The following RBM33 variants were observed in gnomAD, a reference collection of about 807,000 sequenced individuals.
RBM33 encodes RNA binding motif protein 33.
A neutral mutation model predicts 132.6 loss-of-function variants in RBM33; 28 were observed. The ratio of observed to expected loss-of-function variants is 0.21; its 90% CI spans 0.16 to 0.29. The LOEUF (loss-of-function observed/expected upper bound fraction) is 0.29. Among genes scored for constraint, RBM33 ranks in the 10% least tolerant of loss-of-function variants. RBM33 has a pLI of 1.00. For synonymous variants in RBM33, 634 were observed against 593.0 expected (o/e 1.07, Z -1.01); for missense variants, 1,291 against 1,518.5 (o/e 0.85, Z 2.49).
At chr7:155,735,666 A>T (rs1195425495) in intron 9 of RBM33, among the ~76,000 whole-genome samples, 1 of 151,272 alleles carries the variant, frequency 6.6e-6, no homozygotes, top group East Asian at 1.9e-4. Flanking sequence ...ACTGCACTCC[A>T]GCCTGGGTAA....
At chr7:155,682,810 G>A (rs1318474249) in intron 5 of RBM33, among the ~76,000 whole-genome samples, 3 of 152,172 alleles carry the variant, frequency 2.0e-5, no homozygotes, top group Non-Finnish European at 4.4e-5. Context: ...ATTTCCAAGT[G>A]AGGAATTTCC....
At position 155,741,999 on chromosome 7, in the gene RBM33, T is replaced by C. The variant is rs1467303580; in HGVS notation, c.2230T>C (p.Ser744Pro). ...VKPIVSASPPSRAVAGSRSSQ... is the reference protein window; with the variant it reads ...VKPIVSASPPPRAVAGSRSSQ... ...ACCTATCGTCAGCGCGTCACCACCCTCGCGGGCCGTGGCGGGTTCCAGAAG... is the reference window on the plus strand; with the variant it reads ...ACCTATCGTCAGCGCGTCACCACCCCCGCGGGCCGTGGCGGGTTCCAGAAG... Residue 744 changes from serine to proline, a missense_variant, in exon 13 of 18, where the codon TCG (serine) becomes CCG (proline). Transcript: ENST00000401878. The C allele has an allele frequency of 6.2e-7, 1 of 1,613,814 alleles. No individual in the cohort carries two copies. The highest frequency in any genetic ancestry group is 1.1e-5 in the South Asian group (1 of 91,056).
At position 155,731,176 on chromosome 7, in the gene RBM33, A is replaced by G. The variant is rs184978010; in HGVS notation, c.1261-6354A>G. Among the ~76,000 whole-genome samples the G allele has an allele frequency of 8.5e-5, 13 of 152,342 alleles. No individual in the cohort carries two copies. In the East Asian group the frequency reaches 1.5e-3, roughly 18 times the overall value. On this transcript the variant is annotated intron_variant, in intron 9 of 17. Transcript: ENST00000401878. ...TTCCCAGTTACATTTTGCCTTATCT[A>G]TAATGAGAAAAATCTTTTTGAGGAC...
chr7:155,661,857 G>T (rs1265866910), intron 1 of RBM33, among the ~76,000 whole-genome samples: 2 of 152,100 alleles, frequency 1.3e-5, no homozygotes, highest in East Asian at 3.8e-4. Flanking sequence ...CCTCTCACAT[G>T]CAGTTTATGT....
At position 155,644,926 on chromosome 7, in the gene RBM33, G is replaced by C; in HGVS notation, c.43+7G>C. 6.7e-7 allele frequency: 1 copy of C among 1,496,088 alleles called. No homozygotes were observed. The highest frequency in any genetic ancestry group is 1.2e-5 in the South Asian group (1 of 80,280). The allele number at this position is 1,496,088 out of a possible 1,614,324, so 92.7% of individuals were successfully genotyped here. A position where few individuals can be genotyped will look rare whatever the true frequency, so the allele number is the denominator to read the frequency against. On this transcript the variant is annotated splice_region_variant and intron_variant, in intron 1 of 17. Coordinates refer to ENST00000401878, the MANE Select transcript of RBM33 (RefSeq NM_053043.3). The stretch of plus-strand genomic sequence containing the variant: ...GGAGGAGCAGGCGCCGGAGGTACGT[G>C]AGGCAGCCGGACTCTGGGGGCCAGG...
At chr7:155,649,887 C>T (rs1026169702) in intron 1 of RBM33, among the ~76,000 whole-genome samples, 2 of 152,232 alleles carry the variant, frequency 1.3e-5, no homozygotes, top group African/African-American at 4.8e-5. Flanking sequence ...CTTAGCCTCA[C>T]CTTCTGCATA....
rs984193147 is a variant in RBM33, at chr7:155,757,450, T to C, written c.2980-6362T>C. 2.0e-5 allele frequency among the ~76,000 whole-genome samples: 3 copies of C among 152,284 alleles called. No homozygotes were observed. The South Asian group carries it at 6.2e-4, about 32-fold the overall frequency. On this transcript the variant is annotated intron_variant, in intron 14 of 17. Transcript: ENST00000401878. Reference sequence around the variant, plus strand: ...TTGCTTAGCATGATCTTCAGAAAAATTCAGAAGCACAGCATTATAGTAGCC... The same window carrying C: ...TTGCTTAGCATGATCTTCAGAAAAACTCAGAAGCACAGCATTATAGTAGCC...
intron 1 of RBM33, among the ~76,000 whole-genome samples, chr7:155,653,529 C>T (rs888005346): frequency 1.3e-5 from 2 of 151,958 alleles, no homozygotes; most frequent in African/African-American, 4.8e-5. Context: ...AAAAACTAAC[C>T]CCATGTTAAG....
intron 1 of RBM33, among the ~76,000 whole-genome samples, chr7:155,651,696 C>T (rs1237907311): frequency 6.6e-6 from 1 of 151,838 alleles, no homozygotes; most frequent in East Asian, 1.9e-4. Flanking sequence ...AGCTCACTTG[C>T]CTCTTCTCGG....
In RBM33 at chr7:155,775,032, C is replaced by T. The variant is rs139259621; in HGVS notation, c.3504C>T (p.Ile1168=). 6 of 1,613,336 alleles carry T rather than the reference C, an allele frequency of 3.7e-6. No individual in the cohort carries two copies. Among genetic ancestry groups the T allele is most frequent in the Admixed American group, 3.3e-5 (2 of 60,012 alleles). ...IDLSHINVAL[I]VE Reference sequence around the variant, plus strand: ...TGTCCCACATAAATGTGGCCCTGATCGTGGAGTGAGTCCTAACAAGAGAGC... The same window carrying T: ...TGTCCCACATAAATGTGGCCCTGATTGTGGAGTGAGTCCTAACAAGAGAGC... Residue 1168 remains isoleucine (I), a synonymous_variant, in exon 18 of 18, where the codon ATC becomes ATT. Transcript: ENST00000401878.
intron 14 of RBM33, among the ~76,000 whole-genome samples, chr7:155,750,320 C>A (rs143014752): frequency 1.9e-3 from 291 of 152,172 alleles, no homozygotes; most frequent in African/African-American, 6.7e-3. Flanking sequence ...AAAAACAATT[C>A]AAGTAATAAC....
intron 6 of RBM33, among the ~76,000 whole-genome samples, chr7:155,704,476 A>G (rs1218147890): frequency 1.3e-5 from 2 of 152,208 alleles, no homozygotes; most frequent in African/African-American, 2.4e-5. Flanking sequence ...GGCATGTGTA[A>G]GGAATGGTTC....
chr7:155,705,753 G>C (rs185392530), intron 6 of RBM33, among the ~76,000 whole-genome samples: 3 of 152,326 alleles, frequency 2.0e-5, no homozygotes, highest in African/African-American at 4.8e-5. Context: ...TAGGAACCTA[G>C]AAGAATGTGG....
At chr7:155,721,161 C>T (rs1800613601) in intron 9 of RBM33, among the ~76,000 whole-genome samples, 1 of 152,058 alleles carries the variant, frequency 6.6e-6, no homozygotes, top group Non-Finnish European at 1.5e-5. Flanking sequence ...ATGTAGCTTC[C>T]TCACATCAGT....
intron 9 of RBM33, among the ~76,000 whole-genome samples, chr7:155,729,580 T>A (rs1800893070): frequency 6.6e-6 from 1 of 151,854 alleles, no homozygotes; most frequent in Non-Finnish European, 1.5e-5. Context: ...CTACAAAAAA[T>A]TTAAAAATTA....
intron 9 of RBM33, among the ~76,000 whole-genome samples, chr7:155,725,638 G>A (rs757303221): frequency 1.3e-5 from 2 of 152,156 alleles, no homozygotes; most frequent in African/African-American, 4.8e-5. Flanking sequence ...GCCATGGCAG[G>A]GGTGAGGGTG....
chr7:155,768,849 G>C (rs184455368), intron 16 of RBM33, among the ~76,000 whole-genome samples: 1 of 152,016 alleles, frequency 6.6e-6, no homozygotes, highest in Non-Finnish European at 1.5e-5. Context: ...TCCTGACCTC[G>C]TGATCCGCCC....
At position 155,738,272 on chromosome 7, in the gene RBM33, G is replaced by A; in HGVS notation, c.1606G>A (p.Gly536Ser). ...RPVRPALQPPGPVGILHFSQP... is the reference protein window; with the variant it reads ...RPVRPALQPPSPVGILHFSQP... The stretch of plus-strand genomic sequence containing the variant: ...CGTACGACCAGCCTTGCAGCCTCCA[G>A]GTCCGGTGGGGATTCTGCACTTTAG... The change falls in exon 11 of 18, where the codon GGT becomes AGT. Residue 536 changes from glycine to serine, a missense_variant. Physicochemically the swap from Gly to Ser is moderately conservative, Grantham distance 56 (BLOSUM62 0). Coordinates refer to ENST00000401878, the MANE Select transcript of RBM33 (RefSeq NM_053043.3). The A allele has an allele frequency of 1.9e-6, 3 of 1,613,964 alleles. No individual in the cohort carries two copies. The highest frequency in any genetic ancestry group is 2.5e-6 in the Non-Finnish European group (3 of 1,179,886).
chr7:155,744,351 G>T (rs1801447349), intron 13 of RBM33, among the ~76,000 whole-genome samples: 1 of 152,138 alleles, frequency 6.6e-6, no homozygotes, highest in Non-Finnish European at 1.5e-5. Context: ...GAATGGTTTG[G>T]AACTTGGAAT....
Sources: gnomAD v4.1 joint callset for allele counts (sites outside exome capture counted in the v4.1 genomes callset) on GRCh38, gnomAD v4.1.1 for gene constraint, MANE v1.5 for transcripts, NCBI Gene and HGNC (gene_info 2026-07-23, HGNC 2026-07-21) for gene names.